The following ZC3H11A variants were observed in gnomAD, a reference collection of about 807,000 sequenced individuals.
ZC3H11A encodes the protein zinc finger CCCH-type containing 11A, also known as zinc finger CCCH domain-containing protein 11A.
ZC3H11A carries 22 observed loss-of-function variants against 90.8 expected under a neutral mutation model. The observed-to-expected ratio is 0.24, with a 90% confidence interval of 0.17 to 0.35. ZC3H11A has a LOEUF of 0.35. Ranked by LOEUF, ZC3H11A falls within the 10% of genes least tolerant of loss-of-function variation. The pLI is 1.00. For missense variants in ZC3H11A, 701 were observed against 964.9 expected, an observed-to-expected ratio of 0.73 and a Z score of 3.62; for synonymous variants, 294 against 339.8, an observed-to-expected ratio of 0.87 and a Z score of 1.48.
intron 2 of ZC3H11A, among the ~76,000 whole-genome samples, chr1:203,816,552 G>GCCC (rs1166609308): frequency 6.6e-6 from 1 of 152,074 alleles, no homozygotes; most frequent in Non-Finnish European, 1.5e-5. Context: ...AATCCCTTGA[G>GCCC]CCCAGGAGTT....
At position 203,835,704 on chromosome 1, in the gene ZC3H11A, A is replaced by G. The variant is rs531063893; in HGVS notation, c.874+1851A>G. On this transcript the variant is annotated intron_variant, in intron 10 of 17. Transcript: ENST00000367210. ...ATGGGCTTGAGTTACCTTTCCCCAG[A>G]TGACTCTGGTTTTGTTTGGTTTGCC... 100 of 254,736 alleles carry G rather than the reference A, an allele frequency of 3.9e-4. 2 individuals are homozygous for G. The highest frequency in any genetic ancestry group is 1.3e-4 in the Non-Finnish European group (15 of 118,234). The allele number at this position is 254,736 out of a possible 1,614,324, so 15.8% of individuals were successfully genotyped here.
intron 10 of ZC3H11A, among the ~76,000 whole-genome samples, chr1:203,834,352 A>G (rs747325923): frequency 3.9e-5 from 6 of 152,086 alleles, no homozygotes; most frequent in Non-Finnish European, 7.4e-5. Flanking sequence ...GCTCACTGCA[A>G]CCTCCACCTC....
At position 203,845,964 on chromosome 1, in the gene ZC3H11A, G is replaced by A. The variant is rs116609589; in HGVS notation, c.1043-1220G>A. Among the ~76,000 whole-genome samples, 479 of 151,988 alleles carry A rather than the reference G, an allele frequency of 3.2e-3. 2 individuals carry two copies. The highest frequency in any genetic ancestry group is 0.031 in the Middle Eastern group (9 of 294). On this transcript the variant is annotated intron_variant, in intron 12 of 17. Transcript: ENST00000367210. ...TAGTATACTCAGGAGTTTGGAAAGT[G>A]AGACAGAACACAGTATATTTTAAGA...
At chr1:203,812,299 C>T (rs773607395) in intron 2 of ZC3H11A, among the ~76,000 whole-genome samples, 72 of 152,078 alleles carry the variant, frequency 4.7e-4, no homozygotes, top group Non-Finnish European at 9.0e-4. Context: ...TGATAGGCTC[C>T]AGTGTTTGTT....
At chr1:203,812,920 T>G (rs931874362) in intron 2 of ZC3H11A, among the ~76,000 whole-genome samples, 3 of 152,196 alleles carry the variant, frequency 2.0e-5, no homozygotes, top group Non-Finnish European at 4.4e-5. Flanking sequence ...CAATCCCTAA[T>G]GATGCATGAT....
chr1:203,798,334 A>AT (rs1264083127), intron 1 of ZC3H11A: 3 of 1,535,854 alleles, frequency 2.0e-6, no homozygotes, highest in South Asian at 1.2e-5. Flanking sequence ...GCCGTTTGGA[A>AT]TTTTTTTTAC....
At position 203,796,316 on chromosome 1, in the gene ZC3H11A, C is replaced by T. The variant is rs186640630; in HGVS notation, c.-1588+522C>T. 2.4e-3 allele frequency: 964 copies of T among 398,140 alleles called. 2 individuals are homozygous for T. Among genetic ancestry groups the T allele is most frequent in the Middle Eastern group, 9.4e-3 (15 of 1,588 alleles). 24.7% of individuals were successfully genotyped at this position (398,140 alleles called of 1,614,324 possible). On this transcript the variant is annotated intron_variant, in intron 1 of 17. Coordinates refer to ENST00000367210, the MANE Select transcript of ZC3H11A (RefSeq NM_001376342.1). ...AGGGTCCCGGTACTTTGGAGCTTGT[C>T]TCAAACTCCACATACAGAAAGCCAC... is the stretch of plus-strand genomic sequence containing the variant.
At chr1:203,836,763 G>A (rs996717579) in intron 10 of ZC3H11A, among the ~76,000 whole-genome samples, 2 of 152,006 alleles carry the variant, frequency 1.3e-5, no homozygotes, top group African/African-American at 4.8e-5. Context: ...GCGAAAGAAT[G>A]AGACTCCGTC....
chr1:203,834,973 A>C (rs1402625038), intron 10 of ZC3H11A, among the ~76,000 whole-genome samples: 1 of 152,210 alleles, frequency 6.6e-6, no homozygotes, highest in Admixed American at 6.5e-5. Context: ...ATTTTTTCTG[A>C]CTTCAGAATT....
chr1:203,796,290 C>A, intron 1 of ZC3H11A: 2 of 397,250 alleles, frequency 5.0e-6, no homozygotes, highest in South Asian at 2.8e-4. Context: ...CATTCCTCTC[C>A]AGGGTCCCGG....
At position 203,842,910 on chromosome 1, in the gene ZC3H11A, A is replaced by G. The variant is rs965413525; in HGVS notation, c.1042+2536A>G. Among the ~76,000 whole-genome samples the G allele has an allele frequency of 8.5e-5, 10 of 117,386 alleles. No individual in the cohort carries two copies. The Admixed American group carries it at 8.7e-4, about 10-fold the overall frequency. 77.0% of individuals were successfully genotyped at this position (117,386 alleles called of 152,430 possible). A position where few individuals can be genotyped will look rare whatever the true frequency, so the allele number is the denominator to read the frequency against. ...GGAATAATAAAATGAACATCCATGT[A>G]TTCAGCCTTCCGTCTTTTTTTTTTT... On this transcript the variant is annotated intron_variant, in intron 12 of 17. Transcript: ENST00000367210.
rs978766546 is a variant in ZC3H11A at position 203,797,993 on chromosome 1, C to T, written c.-1588+2199C>T. ...CCATTTGTAACCTCTGTGAGAAAAGCGTCAGCAGGGGTAAACCAGGTAGCC... is the reference window on the plus strand; with the variant it reads ...CCATTTGTAACCTCTGTGAGAAAAGTGTCAGCAGGGGTAAACCAGGTAGCC... On this transcript the variant is annotated intron_variant, in intron 1 of 17. Coordinates refer to ENST00000367210, the MANE Select transcript of ZC3H11A (RefSeq NM_001376342.1). 25 of 1,533,532 alleles carry T rather than the reference C, an allele frequency of 1.6e-5. No homozygotes were observed. In the Admixed American group the frequency reaches 2.6e-4, roughly 16 times the overall value. The allele number at this position is 1,533,532 out of a possible 1,614,324, so 95.0% of individuals were successfully genotyped here. A position where few individuals can be genotyped will look rare whatever the true frequency, so the allele number is the denominator to read the frequency against.
At chr1:203,798,713 A>G (rs913391110) in intron 1 of ZC3H11A, 1 of 1,536,134 alleles carries the variant, frequency 6.5e-7, no homozygotes, top group East Asian at 2.4e-5. Flanking sequence ...CGCAGGAGAG[A>G]GAAACAACAT....
chr1:203,804,565 T>G (rs979330197), intron 2 of ZC3H11A, among the ~76,000 whole-genome samples: 16 of 152,308 alleles, frequency 1.1e-4, no homozygotes, highest in Middle Eastern at 6.8e-3. Flanking sequence ...ATTTACTGCT[T>G]CTTGTAGATC....
intron 2 of ZC3H11A, among the ~76,000 whole-genome samples, chr1:203,804,608 TGATA>T (rs959669253): frequency 9.9e-5 from 15 of 152,202 alleles, no homozygotes; most frequent in Admixed American, 9.2e-4. Context: ...TTGTTTTAGT[TGATA>T]GATTTTCTAG....
At chr1:203,810,025 TA>T (rs1673815166) in intron 2 of ZC3H11A, among the ~76,000 whole-genome samples, 2 of 152,208 alleles carry the variant, frequency 1.3e-5, no homozygotes, top group Non-Finnish European at 2.9e-5. Context: ...TTTTTCCTTT[TA>T]AACTTAAGAA....
intron 10 of ZC3H11A, among the ~76,000 whole-genome samples, chr1:203,835,143 C>T (rs1017198805): frequency 6.6e-6 from 1 of 152,186 alleles, no homozygotes; most frequent in African/African-American, 2.4e-5. Context: ...ATTGTTGAAT[C>T]AGTTATGCAC....
intron 12 of ZC3H11A, among the ~76,000 whole-genome samples, chr1:203,845,916 C>T (rs546988514): frequency 1.3e-5 from 2 of 151,816 alleles, no homozygotes; most frequent in East Asian, 1.9e-4. Context: ...GAGAACAGCA[C>T]GGAATACTCC....
At chr1:203,803,267 C>T (rs1166728101) in intron 2 of ZC3H11A, among the ~76,000 whole-genome samples, 1 of 152,116 alleles carries the variant, frequency 6.6e-6, no homozygotes, top group Non-Finnish European at 1.5e-5. Context: ...TCTTGGCTCA[C>T]TGCAACCTCC....
Sources: gnomAD v4.1 joint callset for allele counts (sites outside exome capture counted in the v4.1 genomes callset) on GRCh38, gnomAD v4.1.1 for gene constraint, MANE v1.5 for transcripts, NCBI Gene and HGNC (gene_info 2026-07-23, HGNC 2026-07-21) for gene names.